The following PHF2 variants were observed in gnomAD, a reference collection of about 807,000 sequenced individuals.
PHF2 encodes the protein PHD finger protein 2, also known as lysine-specific demethylase PHF2.
A neutral mutation model predicts 120.5 loss-of-function variants in PHF2; 27 were observed. The ratio of observed to expected loss-of-function variants is 0.22; its 90% CI spans 0.17 to 0.31. The LOEUF is 0.31. PHF2 is among the 10% of genes least tolerant of loss of function. The pLI is 1.00. For synonymous variants in PHF2, 568 were observed against 592.5 expected (o/e 0.96, Z 0.60); for missense variants, 1,024 against 1,434.8 (o/e 0.71, Z 4.63).
intron 1 of PHF2, among the ~76,000 whole-genome samples, chr9:93,595,852 T>C (rs544230148): frequency 1.2e-4 from 19 of 152,338 alleles, no homozygotes; most frequent in African/African-American, 4.3e-4. Context: ...ATTTTCTCTA[T>C]AATCCCTGAG....
chr9:93,612,534 A>G (rs1825654009), intron 1 of PHF2, among the ~76,000 whole-genome samples: 1 of 152,168 alleles, frequency 6.6e-6, no homozygotes, highest in African/African-American at 2.4e-5. Context: ...TTTTATATAA[A>G]CTGTTTACTT....
intron 1 of PHF2, among the ~76,000 whole-genome samples, chr9:93,579,171 G>A (rs1171010852): frequency 6.6e-6 from 1 of 152,162 alleles, no homozygotes; most frequent in African/African-American, 2.4e-5. Flanking sequence ...TAAAATGAAC[G>A]TGTGTGACCA....
chr9:93,679,343 C>T lies in PHF2; in HGVS notation c.*1667C>T. 2.2e-6 allele frequency: 1 copy of T among 448,288 alleles called. No homozygotes were observed. The highest frequency in any genetic ancestry group is 4.4e-6 in the Non-Finnish European group (1 of 224,824). The allele number at this position is 448,288 out of a possible 1,614,324, so 27.8% of individuals were successfully genotyped here. A position where few individuals can be genotyped will look rare whatever the true frequency, so the allele number is the denominator to read the frequency against. On this transcript the variant is annotated 3_prime_UTR_variant, in exon 22 of 22. Transcript: ENST00000359246. ...TTCAGAACTGGTGTTTTTAAAGTTT[C>T]CTTTACCCTGCCCTTGTTGAACATT...
At chr9:93,599,699 G>A (rs767178949) in intron 1 of PHF2, among the ~76,000 whole-genome samples, 2 of 152,212 alleles carry the variant, frequency 1.3e-5, no homozygotes, top group African/African-American at 2.4e-5. Flanking sequence ...ATGCCACCAC[G>A]AGGGCTGATG....
At position 93,676,943 on chromosome 9, in the gene PHF2, A is replaced by G; in HGVS notation, c.3182A>G (p.Asn1061Ser). The G allele has an allele frequency of 1.3e-6, 2 of 1,562,536 alleles. No homozygotes were observed. Among genetic ancestry groups the G allele is most frequent in the Non-Finnish European group, 1.7e-6 (2 of 1,150,454 alleles). ...AGGCGGCCCTCCGCATCGTCTCCAA[A>G]CAACAACACCGCTGCCAAAGGTACT... ...TQRRPSASSP[N>S]NNTAAKGKRT... The change falls in exon 21 of 22, where the codon AAC (asparagine) becomes AGC (serine). Residue 1061 changes from asparagine (N) to serine (S), a missense_variant. Asn to Ser is a conservative substitution (Grantham distance 46). Around this residue, in one of 2 missense-constraint regions of PHF2, gnomAD observed 677 missense variants for 857.4 expected, o/e 0.79. Transcript: ENST00000359246.
At chr9:93,638,920 A>G (rs1055927072) in intron 3 of PHF2, among the ~76,000 whole-genome samples, 2 of 152,162 alleles carry the variant, frequency 1.3e-5, no homozygotes, top group African/African-American at 4.8e-5. Flanking sequence ...GGGTTTCACC[A>G]TGTTGGCCAG....
Position 93,656,411 on chromosome 9 carries a change from G to T in PHF2, c.1041-78G>T. On this transcript the variant is annotated intron_variant, in intron 8 of 21. Coordinates refer to ENST00000359246, the MANE Select transcript of PHF2 (RefSeq NM_005392.4). The surrounding 1 kb of genome is among the most constrained non-coding windows in gnomAD (Gnocchi z 4.1). ...CCAGTGGGGAGGCCTGAGCTGGTGT[G>T]TCTGGGGCCTGGATTGATGCCCAGC... 2 of 1,042,572 alleles carry T rather than the reference G, an allele frequency of 1.9e-6. No homozygotes were observed. Among genetic ancestry groups the T allele is most frequent in the Non-Finnish European group, 1.5e-6 (1 of 672,346 alleles). 64.6% of individuals were successfully genotyped at this position (1,042,572 alleles called of 1,614,324 possible).
intron 3 of PHF2, among the ~76,000 whole-genome samples, chr9:93,637,822 T>A (rs1188386104): frequency 1.3e-5 from 2 of 152,228 alleles, no homozygotes; most frequent in Non-Finnish European, 2.9e-5. Context: ...CTGGGTCATA[T>A]GGTAACTCTC....
At chr9:93,622,282 C>G (rs1172853167) in intron 1 of PHF2, among the ~76,000 whole-genome samples, 1 of 152,232 alleles carries the variant, frequency 6.6e-6, no homozygotes, top group Non-Finnish European at 1.5e-5. Flanking sequence ...ATACACCGAG[C>G]CTGAGGTCAC....
chr9:93,617,212 C>CA (rs1006778983), intron 1 of PHF2, among the ~76,000 whole-genome samples: 3 of 152,190 alleles, frequency 2.0e-5, no homozygotes, highest in African/African-American at 7.2e-5. Context: ...CTAGCCCACT[C>CA]AAGTCCTCAT....
intron 19 of PHF2, among the ~76,000 whole-genome samples, chr9:93,675,404 T>A (rs73523942): frequency 0.017 from 2,614 of 152,340 alleles, 33 homozygotes; most frequent in Middle Eastern, 0.044. Context: ...TGAGGCCTTG[T>A]CCACCTTCCA....
chr9:93,624,909 G>C (rs377261009), intron 1 of PHF2, among the ~76,000 whole-genome samples: 1 of 152,296 alleles, frequency 6.6e-6, no homozygotes, highest in South Asian at 2.1e-4. Context: ...GATGGTGATG[G>C]TGGTGATGGA....
chr9:93,577,861 C>G (rs1862861192), intron 1 of PHF2, among the ~76,000 whole-genome samples: 1 of 152,192 alleles, frequency 6.6e-6, no homozygotes, highest in Non-Finnish European at 1.5e-5. Context: ...GTTGCCCAAA[C>G]TGCTCCAACA....
At chr9:93,577,950 C>G (rs1025694676) in intron 1 of PHF2, among the ~76,000 whole-genome samples, 1 of 152,172 alleles carries the variant, frequency 6.6e-6, no homozygotes, top group South Asian at 2.1e-4. Flanking sequence ...TCTGGGGCTC[C>G]AGTCCCAAAC....
At chr9:93,596,347 C>G (rs1825332390) in intron 1 of PHF2, among the ~76,000 whole-genome samples, 1 of 152,094 alleles carries the variant, frequency 6.6e-6, no homozygotes, top group South Asian at 2.1e-4. Context: ...AATTCAGCAC[C>G]AGGGATCAAG....
chr9:93,606,638 G>A (rs982889705), intron 1 of PHF2, among the ~76,000 whole-genome samples: 3 of 152,170 alleles, frequency 2.0e-5, no homozygotes, highest in African/African-American at 7.2e-5. Context: ...TTTTCTCCCA[G>A]TCTGTGGCTT....
chr9:93,677,356 C>T lies in PHF2; in HGVS notation c.3203-232C>T, dbSNP rs1375754264. On this transcript the variant is annotated intron_variant, in intron 21 of 21. Coordinates refer to ENST00000359246, the MANE Select transcript of PHF2 (RefSeq NM_005392.4). This position sits in a 1 kb window ranked among gnomAD's most constrained non-coding sequence, Gnocchi z 4.4. ...TGCCATCCCCAAGCCCATGTCCATC[C>T]TACCTGCCAGGGCCCCTTGAGGACA... Among the ~76,000 whole-genome samples, 4 of 151,890 alleles carry T rather than the reference C, an allele frequency of 2.6e-5. No individual in the cohort carries two copies. Among genetic ancestry groups the T allele is most frequent in the African/African-American group, 9.7e-5 (4 of 41,378 alleles).
rs373758413 is a variant in PHF2, at chr9:93,655,909, C to T, written c.953-25C>T. 32 of 1,582,842 alleles carry T rather than the reference C, an allele frequency of 2.0e-5. No individual in the cohort carries two copies. The African/African-American group carries it at 3.2e-4, about 16-fold the overall frequency. On this transcript the variant is annotated intron_variant, in intron 7 of 21. Transcript: ENST00000359246. Reference sequence around the variant, plus strand: ...CCGTTCATGGGAGCAAGGTGGGGCACCAGCCACTCCTGTCTCTCTCCCAGG... The same window carrying T: ...CCGTTCATGGGAGCAAGGTGGGGCATCAGCCACTCCTGTCTCTCTCCCAGG...
intron 1 of PHF2, among the ~76,000 whole-genome samples, chr9:93,609,996 C>T (rs533970542): frequency 6.6e-6 from 1 of 152,110 alleles, no homozygotes; most frequent in African/African-American, 2.4e-5. Context: ...CGCCTGACCT[C>T]CCTGACTTTT....
Sources: gnomAD v4.1 joint callset for allele counts (sites outside exome capture counted in the v4.1 genomes callset) on GRCh38, gnomAD v4.1.1 for gene constraint, gnomAD v4.1.1 regional missense constraint, Gnocchi (gnomAD v3.1) non-coding constraint, MANE v1.5 for transcripts, NCBI Gene and HGNC (gene_info 2026-07-23, HGNC 2026-07-21) for gene names.